The following LRRC42 variants were observed in gnomAD, a reference collection of about 807,000 sequenced individuals.
LRRC42 encodes the protein leucine rich repeat containing 42, also known as leucine-rich repeat-containing protein 42.
LRRC42 carries 43 observed loss-of-function variants against 44.3 expected under a neutral mutation model. The observed-to-expected ratio is 0.97, with a 90% CI of 0.76 to 1.25. The LOEUF is 1.25. LRRC42 is among the 50% of genes most tolerant of loss of function. LRRC42 has a pLI of 0.00. For missense variants in LRRC42, 540 were observed against 509.1 expected (o/e 1.06, Z -0.58); for synonymous variants, 207 against 195.2 (o/e 1.06, Z -0.50).
At position 53,948,763 on chromosome 1, in the gene LRRC42, A is replaced by G. The variant is rs114874292; in HGVS notation, c.-15+942A>G. Among the ~76,000 whole-genome samples, 1,408 of 152,324 alleles carry G rather than the reference A, an allele frequency of 9.2e-3. 28 individuals carry two copies. Among genetic ancestry groups the G allele is most frequent in the African/African-American group, 0.032 (1,351 of 41,574 alleles). On this transcript the variant is annotated intron_variant, in intron 2 of 8. Coordinates refer to ENST00000371370, the MANE Select transcript of LRRC42 (RefSeq NM_001256409.2). ...CCATTTGTAATACACCACCCAGTAC[A>G]ATAGTGAGGGACAAATGAACCCAAG...
intron 8 of LRRC42, among the ~76,000 whole-genome samples, chr1:53,966,927 G>A (rs1009082209): frequency 1.3e-5 from 2 of 152,026 alleles, no homozygotes; most frequent in African/African-American, 4.8e-5. Flanking sequence ...TGACTAGGGA[G>A]GCGGGGGTGG....
At chr1:53,948,538 C>T (rs1049498331) in intron 2 of LRRC42, among the ~76,000 whole-genome samples, 2 of 152,146 alleles carry the variant, frequency 1.3e-5, no homozygotes, top group East Asian at 1.9e-4. Flanking sequence ...TCTATGCTGT[C>T]GTATGGGTTA....
chr1:53,957,118 T>G (rs554388875), intron 3 of LRRC42, among the ~76,000 whole-genome samples: 35 of 152,198 alleles, frequency 2.3e-4, no homozygotes, highest in Non-Finnish European at 4.7e-4. Flanking sequence ...AGAAAAGAGA[T>G]TAACTCCTCT....
At chr1:53,962,547 A>C in intron 7 of LRRC42, 138 bp downstream of exon 7, 1 of 657,604 alleles carries the variant, frequency 1.5e-6, no homozygotes, top group Non-Finnish European at 2.7e-6. Context: ...AATTGGAGAC[A>C]CTGATGGGCT....
rs777439635 is a variant in LRRC42, at chr1:53,967,928, A to T, written c.1276A>T (p.Asn426Tyr). The T allele has an allele frequency of 3.1e-6, 5 of 1,613,278 alleles. No individual in the cohort carries two copies. The change falls in exon 9 of 9, where the codon AAT (asparagine) becomes TAT (tyrosine). Residue 426 changes from asparagine (N) to tyrosine (Y), a missense_variant. Physicochemically the swap from Asn to Tyr is moderately radical, Grantham distance 143. Coordinates refer to ENST00000371370, the MANE Select transcript of LRRC42 (RefSeq NM_001256409.2). ...TGCTGTGGAAGACTGGGACTTGTTA[A>T]ATTCCTATTGATTAGTAGATACAAG... ...CLAVEDWDLL[N>Y]SY
At chr1:53,961,139 G>A (rs1005364091) in intron 5 of LRRC42, among the ~76,000 whole-genome samples, 3 of 152,188 alleles carry the variant, frequency 2.0e-5, no homozygotes, top group Non-Finnish European at 4.4e-5. Flanking sequence ...GCTGGGCGCG[G>A]TGGCTCACGC....
chr1:53,949,221 G>A (rs1282849630), intron 2 of LRRC42, among the ~76,000 whole-genome samples: 1 of 152,086 alleles, frequency 6.6e-6, no homozygotes, highest in East Asian at 1.9e-4. Context: ...TGTGCCCTCT[G>A]CTGGATGGAA....
intron 3 of LRRC42, 100 bp downstream of exon 3, chr1:53,952,572 A>T: frequency 1.1e-6 from 1 of 935,190 alleles, no homozygotes; most frequent in Non-Finnish European, 1.6e-6. Context: ...ATCAAATAGC[A>T]CTTCAGTTTA....
Position 53,966,474 on chromosome 1 carries a change from A to T in LRRC42, c.1012+94A>T, listed in dbSNP as rs1290313924. 3 of 817,296 alleles carry T rather than the reference A, an allele frequency of 3.7e-6. 1 individual carries two copies. In the East Asian group the frequency reaches 7.7e-5, roughly 21 times the overall value. 50.6% of individuals were successfully genotyped at this position (817,296 alleles called of 1,614,324 possible). A position where few individuals can be genotyped will look rare whatever the true frequency, so the allele number is the denominator to read the frequency against. On this transcript the variant is annotated intron_variant, in intron 8 of 8. Transcript: ENST00000371370. The stretch of plus-strand genomic sequence containing the variant: ...TCCCTCCTTGGAAAAATTAATTATG[A>T]TAGTATTGGCTTATTTATGATCACC...
At chr1:53,966,506 T>C in intron 8 of LRRC42, 126 bp downstream of exon 8, 1 of 663,358 alleles carries the variant, frequency 1.5e-6, no homozygotes, top group Non-Finnish European at 2.8e-6. Flanking sequence ...CACCAAGACT[T>C]GTATTCCCTT....
intron 7 of LRRC42, among the ~76,000 whole-genome samples, chr1:53,963,947 A>ACCCCCCC (rs5774166): frequency 2.4e-5 from 2 of 82,272 alleles, no homozygotes; most frequent in African/African-American, 4.8e-5. Context: ...CCTCCTGCCC[A>ACCCCCCC]CCCCCCCCCC....
At chr1:53,962,156 G>C in intron 6 of LRRC42, 34 bp downstream of exon 6, 2 of 1,564,188 alleles carry the variant, frequency 1.3e-6, no homozygotes, top group Non-Finnish European at 1.8e-6. Context: ...CATTTTTCTA[G>C]ACTCAACAAT....
At chr1:53,956,686 G>A (rs1172376989) in intron 3 of LRRC42, among the ~76,000 whole-genome samples, 3 of 152,180 alleles carry the variant, frequency 2.0e-5, no homozygotes, top group South Asian at 2.1e-4. Context: ...TCCTAGATTA[G>A]CACCTAGTAA....
chr1:53,963,832 G>A (rs985828934), intron 7 of LRRC42, among the ~76,000 whole-genome samples: 2 of 152,040 alleles, frequency 1.3e-5, no homozygotes, highest in Non-Finnish European at 2.9e-5. Context: ...GAGAGAACAA[G>A]TATGCTCCTT....
chr1:53,963,069 C>A (rs554858246), intron 7 of LRRC42, among the ~76,000 whole-genome samples: 1 of 152,176 alleles, frequency 6.6e-6, no homozygotes, highest in Non-Finnish European at 1.5e-5. Flanking sequence ...GGCCTTTCTC[C>A]CTTAGATGCT....
chr1:53,953,465 A>G (rs937800493), intron 3 of LRRC42, among the ~76,000 whole-genome samples: 1 of 152,126 alleles, frequency 6.6e-6, no homozygotes, highest in African/African-American at 2.4e-5. Context: ...GGTTCAAGCA[A>G]TTCGCCTGCC....
At chr1:53,950,116 A>T (rs1269293616) in intron 2 of LRRC42, among the ~76,000 whole-genome samples, 1 of 152,210 alleles carries the variant, frequency 6.6e-6, no homozygotes, top group East Asian at 1.9e-4. Flanking sequence ...TGTAGGAGAG[A>T]CTGGGTGCTC....
At chr1:53,959,071 C>T (rs985701259) in intron 4 of LRRC42, among the ~76,000 whole-genome samples, 6 of 151,856 alleles carry the variant, frequency 4.0e-5, no homozygotes, top group South Asian at 2.1e-4. Flanking sequence ...TTAGTAGAGA[C>T]GGGGGTTTTG....
intron 3 of LRRC42, among the ~76,000 whole-genome samples, chr1:53,954,661 C>T (rs2100921278): frequency 6.6e-6 from 1 of 151,782 alleles, no homozygotes; most frequent in East Asian, 1.9e-4. Context: ...CTGTTTTTTC[C>T]CCCACCTACC....
Sources: allele counts gnomAD v4.1 joint callset (sites outside exome capture counted in the v4.1 genomes callset), GRCh38; gene constraint gnomAD v4.1.1; transcripts MANE v1.5; gene names NCBI Gene and HGNC (gene_info 2026-07-23, HGNC 2026-07-21).